The following SSBP3 variants were observed in gnomAD, a reference collection of about 807,000 sequenced individuals.
SSBP3 encodes single-stranded DNA-binding protein 3.
Under a neutral mutation model 69.6 loss-of-function variants are expected in SSBP3, and 5 were observed. The ratio of observed to expected loss-of-function variants is 0.07; its 90% CI spans 0.04 to 0.15. The LOEUF (loss-of-function observed/expected upper bound fraction) is 0.15. Among genes scored for constraint, SSBP3 ranks in the 10% least tolerant of loss-of-function variants. The pLI is 1.00. For missense variants in SSBP3, 312 were observed against 534.0 expected, an observed-to-expected ratio of 0.58 and a Z score of 4.10; for synonymous variants, 196 against 193.4, an observed-to-expected ratio of 1.01 and a Z score of -0.11.
At chr1:54,411,413 G>C (rs551454110), upstream of SSBP3, among the ~76,000 whole-genome samples, 1 of 152,004 alleles carries the variant, frequency 6.6e-6, no homozygotes, top group South Asian at 2.1e-4. Context: ...AGGAGGCGGG[G>C]GTTGCAGTGA....
At chr1:54,410,679 C>G (rs1004693572), upstream of SSBP3, among the ~76,000 whole-genome samples, 1 of 152,232 alleles carries the variant, frequency 6.6e-6, no homozygotes, top group Non-Finnish European at 1.5e-5. Flanking sequence ...AAAGACCTGG[C>G]TTCACTGCCT....
At position 54,263,854 on chromosome 1, in the gene SSBP3, G is replaced by T. The variant is rs79552781; in HGVS notation, c.367-5705C>A. Among the ~76,000 whole-genome samples, 412 of 152,322 alleles carry T rather than the reference G, an allele frequency of 2.7e-3. 15 individuals carry two copies. The East Asian group carries it at 0.061, about 23-fold the overall frequency. ...CAAGACCCAGCAAGCCCCGGGGCAGGCACATCTAACACCTTGGGGCTCATA... is the reference window on the plus strand; with the variant it reads ...CAAGACCCAGCAAGCCCCGGGGCAGTCACATCTAACACCTTGGGGCTCATA... On this transcript the variant is annotated intron_variant, in intron 5 of 17. Transcript: ENST00000610401.
intron 4 of SSBP3, among the ~76,000 whole-genome samples, chr1:54,294,009 G>C (rs1645653181): frequency 6.6e-6 from 1 of 151,468 alleles, no homozygotes; most frequent in South Asian, 2.1e-4. Flanking sequence ...GCGTGGTGGT[G>C]GGCGCCTGTA....
In SSBP3 at chr1:54,388,971, G is replaced by A. The variant is rs191514183; in HGVS notation, c.276+12890C>T. Among the ~76,000 whole-genome samples, 399 of 152,326 alleles carry A rather than the reference G, an allele frequency of 2.6e-3. 1 individual carries two copies. The highest frequency in any genetic ancestry group is 4.1e-3 in the Non-Finnish European group (282 of 68,004). On this transcript the variant is annotated intron_variant, in intron 4 of 17. Coordinates refer to ENST00000610401, the Ensembl canonical transcript of SSBP3. ...CCACTGCTAGGTGGGTCCTGCCTAA[G>A]GATTCTAACCAGGTTTCTGGAAAAC...
chr1:54,280,727 G>C (rs923368094), intron 5 of SSBP3, among the ~76,000 whole-genome samples: 1 of 152,182 alleles, frequency 6.6e-6, no homozygotes, highest in South Asian at 2.1e-4. Flanking sequence ...CAGAGGAGGC[G>C]GCGCAGAGAG....
Position 54,240,119 on chromosome 1 carries a change from C to T in SSBP3, c.856+786G>A, listed in dbSNP as rs1273480244. Among the ~76,000 whole-genome samples, 115 of 4,968 alleles carry T rather than the reference C, an allele frequency of 0.023. 4 individuals carry two copies. In the South Asian group the frequency reaches 0.3, roughly 13 times the overall value. The allele number at this position is 4,968 out of a possible 152,430, so 3.3% of individuals were successfully genotyped here. A position where few individuals can be genotyped will look rare whatever the true frequency, so the allele number is the denominator to read the frequency against. On this transcript the variant is annotated intron_variant, in intron 13 of 17. Coordinates refer to ENST00000610401, the Ensembl canonical transcript of SSBP3. ...GCGCGCGTGTGCGTGCGCGCGCGCG[C>T]GCAACACATGCCCACGTATGTGCAC...
intron 9 of SSBP3, among the ~76,000 whole-genome samples, chr1:54,246,819 C>T (rs967326120): frequency 1.3e-5 from 2 of 152,260 alleles, no homozygotes; most frequent in Admixed American, 6.5e-5. Flanking sequence ...AGGCTGAAAT[C>T]TGGTTTGCAG....
chr1:54,361,527 G>A (rs943934254), intron 4 of SSBP3, among the ~76,000 whole-genome samples: 1 of 152,076 alleles, frequency 6.6e-6, no homozygotes, highest in African/African-American at 2.4e-5. Flanking sequence ...GCCCCCAATA[G>A]AGCAAGGCCC....
chr1:54,379,797 C>T (rs776788947), intron 4 of SSBP3, among the ~76,000 whole-genome samples: 2 of 152,216 alleles, frequency 1.3e-5, no homozygotes, highest in Non-Finnish European at 2.9e-5. Flanking sequence ...CGCCCAAATA[C>T]CTAGGCCCCT....
chr1:54,409,609 C>T (rs376651969), upstream of SSBP3, among the ~76,000 whole-genome samples: 5 of 152,226 alleles, frequency 3.3e-5, no homozygotes, highest in East Asian at 1.9e-4. Context: ...GCCACTCCCT[C>T]GGCTCAGCCA....
chr1:54,279,451 C>A (rs1163003997), intron 5 of SSBP3, among the ~76,000 whole-genome samples: 1 of 152,364 alleles, frequency 6.6e-6, no homozygotes, highest in East Asian at 1.9e-4. Context: ...GTCCTAGACC[C>A]AGGCCAAAAT....
Position 54,374,462 on chromosome 1 carries a change from A to G in SSBP3, c.276+27399T>C, listed in dbSNP as rs1478903432. Among the ~76,000 whole-genome samples the G allele has an allele frequency of 2.0e-5, 3 of 152,222 alleles. No homozygotes were observed. The East Asian group carries it at 5.8e-4, about 29-fold the overall frequency. On this transcript the variant is annotated intron_variant, in intron 4 of 17. Coordinates refer to ENST00000610401, the Ensembl canonical transcript of SSBP3. ...CTGGCCCTGCTCCTTCCCATCTAAA[A>G]GTTCTTGACCTGTCCAAGCCTTTCC...
chr1:54,230,590 AG>A (rs1397280001), intron 14 of SSBP3, among the ~76,000 whole-genome samples: 1 of 152,182 alleles, frequency 6.6e-6, no homozygotes, highest in Non-Finnish European at 1.5e-5. Context: ...GTATATTTAC[AG>A]GGTTGTGCAA....
chr1:54,276,129 T>C (rs1461203418), intron 5 of SSBP3, among the ~76,000 whole-genome samples: 2 of 152,144 alleles, frequency 1.3e-5, no homozygotes, highest in Non-Finnish European at 2.9e-5. Flanking sequence ...CCTACTATCC[T>C]TCACCAAGGT....
chr1:54,254,249 G>C (rs191530249), intron 7 of SSBP3, among the ~76,000 whole-genome samples: 158 of 152,314 alleles, frequency 1.0e-3, no homozygotes, highest in Middle Eastern at 6.8e-3. Context: ...GGCACAGGAA[G>C]CATCTGCCCA....
chr1:54,359,151 G>A (rs1035641726), intron 4 of SSBP3, among the ~76,000 whole-genome samples: 3 of 150,980 alleles, frequency 2.0e-5, no homozygotes, highest in Non-Finnish European at 4.4e-5. Context: ...GTGGAGGTGG[G>A]GAGAGTTTTA....
chr1:54,313,853 G>A (rs1483009924), intron 4 of SSBP3, among the ~76,000 whole-genome samples: 2 of 151,622 alleles, frequency 1.3e-5, no homozygotes, highest in Non-Finnish European at 2.9e-5. Context: ...TGCAACCTCC[G>A]CCTCCCAGGT....
intron 5 of SSBP3, among the ~76,000 whole-genome samples, chr1:54,276,015 A>G (rs1645276959): frequency 1.3e-5 from 2 of 152,042 alleles, no homozygotes. Context: ...CTCTCCCCAT[A>G]ACCAATGGGA....
rs61733361 is a variant in SSBP3 at position 54,281,453 on chromosome 1, C to A, written c.351G>T (p.Pro117=). The change falls in exon 5 of 18, where the codon CCG becomes CCT. Residue 117 remains proline, a synonymous_variant. Coordinates refer to ENST00000610401, the Ensembl canonical transcript of SSBP3. ...CCGCACGTACCTGAAAGAAACCTGG[C>A]GGGATGGGGCCTCCCGGCATCCCAT... 20 of 1,563,814 alleles carry A rather than the reference C, an allele frequency of 1.3e-5. No individual in the cohort carries two copies. The African/African-American group carries it at 1.8e-4, about 14-fold the overall frequency.
Sources: gnomAD v4.1 joint callset for allele counts (sites outside exome capture counted in the v4.1 genomes callset) on GRCh38, gnomAD v4.1.1 for gene constraint, MANE v1.5 for transcripts, NCBI Gene and HGNC (gene_info 2026-07-23, HGNC 2026-07-21) for gene names.